The following CSGALNACT1 variants were observed in gnomAD, a reference collection of about 807,000 sequenced individuals.
CSGALNACT1 encodes the protein beta4GalNAcT-1.
A neutral mutation model predicts 51.0 loss-of-function variants in CSGALNACT1; 52 were observed. That is an observed-to-expected ratio of 1.02 (90% CI 0.82 to 1.29). CSGALNACT1 has a LOEUF of 1.29. CSGALNACT1 is among the 50% of genes most tolerant of loss of function. CSGALNACT1 has a pLI of 0.00. For missense variants in CSGALNACT1, 935 were observed against 679.2 expected (o/e 1.38, Z -4.19); for synonymous variants, 341 against 254.4 (o/e 1.34, Z -3.24).
intron 5 of CSGALNACT1, among the ~76,000 whole-genome samples, chr8:19,457,351 G>A (rs186201968): frequency 2.0e-5 from 3 of 152,268 alleles, no homozygotes; most frequent in East Asian, 1.9e-4. Context: ...GGTGGCTCAC[G>A]CCTGTAATCC....
intron 1 of CSGALNACT1, among the ~76,000 whole-genome samples, chr8:19,656,560 C>G (rs1296821960): frequency 6.6e-6 from 1 of 150,552 alleles, no homozygotes; most frequent in Non-Finnish European, 1.5e-5. Context: ...CATGCACACA[C>G]ACACAGTGAC....
In CSGALNACT1 at chr8:19,550,836, A is replaced by G. The variant is rs575075892; in HGVS notation, c.-297+40324T>C. The stretch of plus-strand genomic sequence containing the variant: ...TAGAAGGAAGATAGCACCATTCCAT[A>G]CAGATTTTCACAGAAAACTCCTATT... On this transcript the variant is annotated intron_variant, in intron 3 of 9. Coordinates refer to ENST00000454498, the Ensembl canonical transcript of CSGALNACT1. Among the ~76,000 whole-genome samples the G allele has an allele frequency of 9.8e-5, 15 of 152,296 alleles. No homozygotes were observed. The East Asian group carries it at 2.9e-3, about 29-fold the overall frequency.
chr8:19,637,917 G>A (rs1328831860), intron 1 of CSGALNACT1, among the ~76,000 whole-genome samples: 1 of 151,194 alleles, frequency 6.6e-6, no homozygotes, highest in African/African-American at 2.4e-5. Flanking sequence ...GCCACAGGAT[G>A]GGTTAAACAG....
At chr8:19,630,647 C>A (rs1002099423) in intron 1 of CSGALNACT1, among the ~76,000 whole-genome samples, 2 of 152,196 alleles carry the variant, frequency 1.3e-5, no homozygotes, top group African/African-American at 2.4e-5. Flanking sequence ...CCCTCCCCCA[C>A]AAAACCACCA....
intron 3 of CSGALNACT1, among the ~76,000 whole-genome samples, chr8:19,530,635 G>A (rs2082584257): frequency 6.6e-6 from 1 of 152,152 alleles, no homozygotes; most frequent in Non-Finnish European, 1.5e-5. Flanking sequence ...AGTGGCTGAG[G>A]CTGGAGGATC....
chr8:19,516,571 C>A (rs1159132621), intron 3 of CSGALNACT1, among the ~76,000 whole-genome samples: 5 of 152,218 alleles, frequency 3.3e-5, no homozygotes, highest in African/African-American at 1.2e-4. Context: ...CATCTCTCAA[C>A]AGCTAGGCAA....
intron 4 of CSGALNACT1, among the ~76,000 whole-genome samples, chr8:19,501,899 G>C (rs1292286623): frequency 1.3e-5 from 2 of 152,172 alleles, no homozygotes; most frequent in Admixed American, 1.3e-4. Context: ...TCTCTTCCCA[G>C]ATGGTTGTAA....
chr8:19,568,876 T>A (rs910325288), intron 3 of CSGALNACT1, among the ~76,000 whole-genome samples: 1 of 152,214 alleles, frequency 6.6e-6, no homozygotes, highest in Non-Finnish European at 1.5e-5. Context: ...AGACTTCCTT[T>A]CAAAATTCTC....
intron 1 of CSGALNACT1, chr8:19,678,581 C>G (rs1485514026): frequency 6.6e-6 from 1 of 152,172 alleles, no homozygotes; most frequent in African/African-American, 2.4e-5. Flanking sequence ...AAGTCCAAGA[C>G]AAACAGTGTA....
upstream of CSGALNACT1, among the ~76,000 whole-genome samples, chr8:19,687,227 C>T (rs1353608070): frequency 6.6e-6 from 1 of 152,208 alleles, no homozygotes. Context: ...GTTGGTCATC[C>T]TACCAACCTC....
intron 1 of CSGALNACT1, among the ~76,000 whole-genome samples, chr8:19,694,918 G>A (rs1322987906): frequency 2.6e-5 from 4 of 152,166 alleles, no homozygotes; most frequent in Non-Finnish European, 5.9e-5. Flanking sequence ...AGCAAAGATG[G>A]CACACAGAGG....
intron 1 of CSGALNACT1, among the ~76,000 whole-genome samples, chr8:19,609,978 TG>T (rs2051977720): frequency 6.6e-6 from 1 of 151,920 alleles, no homozygotes. Context: ...CCCAGCAGTT[TG>T]GGAGGCCGAG....
In CSGALNACT1 at chr8:19,666,943, AAAAGAAAGAAAGAAAGAAAGAAAG is replaced by A. The variant is rs1159962282; in HGVS notation, c.-544+15506_-544+15529del. ...GAAGGGAGAGACAGAGAGAGAGAGAAAAAGAAAGAAAGAAAGAAAGAAAGAAAGAAAGAAAGAAAGAAAGAAAGA... is the reference window on the plus strand; with the variant it reads ...GAAGGGAGAGACAGAGAGAGAGAGAAAAAGAAAGAAAGAAAGAAAGAAAGA... On this transcript the variant is annotated intron_variant, in intron 1 of 9. Transcript: ENST00000332246. Among the ~76,000 whole-genome samples, 262 of 79,362 alleles carry A rather than the reference AAAAGAAAGAAAGAAAGAAAGAAAG, an allele frequency of 3.3e-3. 3 individuals carry two copies. The highest frequency in any genetic ancestry group is 6.0e-3 in the Middle Eastern group (1 of 168). 52.1% of individuals were successfully genotyped at this position (79,362 alleles called of 152,430 possible).
At chr8:19,542,672 G>A (rs886883387) in intron 3 of CSGALNACT1, among the ~76,000 whole-genome samples, 12 of 152,014 alleles carry the variant, frequency 7.9e-5, no homozygotes, top group East Asian at 3.9e-4. Flanking sequence ...GTAAATAGGC[G>A]GCCACTTCTG....
At chr8:19,490,994 C>T (rs1241011470) in intron 4 of CSGALNACT1, among the ~76,000 whole-genome samples, 1 of 151,988 alleles carries the variant, frequency 6.6e-6, no homozygotes, top group Non-Finnish European at 1.5e-5. Context: ...GATTCAAGCA[C>T]TGCCATATCT....
intron 3 of CSGALNACT1, among the ~76,000 whole-genome samples, chr8:19,544,973 G>A (rs529922865): frequency 9.9e-5 from 15 of 152,018 alleles, no homozygotes; most frequent in African/African-American, 3.6e-4. Context: ...GGGAACCAGG[G>A]GAGAAGCCAG....
intron 4 of CSGALNACT1, among the ~76,000 whole-genome samples, chr8:19,481,702 C>G (rs551877027): frequency 6.6e-6 from 1 of 152,264 alleles, no homozygotes; most frequent in South Asian, 2.1e-4. Context: ...CCCTCTCTGG[C>G]TTTTCTACCC....
At chr8:19,516,748 G>A (rs886558229) in intron 3 of CSGALNACT1, among the ~76,000 whole-genome samples, 2 of 152,240 alleles carry the variant, frequency 1.3e-5, no homozygotes, top group Non-Finnish European at 2.9e-5. Flanking sequence ...TGGGCTGGGG[G>A]AATGTCACCC....
At chr8:19,682,744 G>T, upstream of CSGALNACT1, 1 of 454,072 alleles carries the variant, frequency 2.2e-6, no homozygotes, top group South Asian at 1.6e-5. Flanking sequence ...GCAAGGCTGC[G>T]GATCCCAGAA....
Sources: allele counts gnomAD v4.1 joint callset (sites outside exome capture counted in the v4.1 genomes callset), GRCh38; gene constraint gnomAD v4.1.1; transcripts MANE v1.5; gene names NCBI Gene and HGNC (gene_info 2026-07-23, HGNC 2026-07-21).